Variants in RBFOX1 observed in about 807,000 individuals in gnomAD.
The protein encoded by RBFOX1 is RNA binding fox-1 homolog 1, also known as RNA binding protein fox-1 homolog 1.
Under a neutral mutation model 57.7 loss-of-function variants are expected in RBFOX1, and 8 were observed. That is an observed-to-expected ratio of 0.14 (90% confidence interval 0.08 to 0.25). The LOEUF (loss-of-function observed/expected upper bound fraction) is 0.25. RBFOX1 is among the 10% of genes least tolerant of loss of function. The pLI is 1.00. For synonymous variants in RBFOX1, 326 were observed against 222.4 expected, an observed-to-expected ratio of 1.47 and a Z score of -4.15; for missense variants, 611 against 548.5, an observed-to-expected ratio of 1.11 and a Z score of -1.14.
At chr16:5,596,761 C>G (rs2047196661) in intron 2 of RBFOX1, among the ~76,000 whole-genome samples, 1 of 152,244 alleles carries the variant, frequency 6.6e-6, no homozygotes, top group African/African-American at 2.4e-5. Context: ...AGTGGACATT[C>G]TCTCAAAGGA....
chr16:5,888,458 C>G (rs542294420), intron 4 of RBFOX1, among the ~76,000 whole-genome samples: 2 of 152,008 alleles, frequency 1.3e-5, no homozygotes, highest in Non-Finnish European at 2.9e-5. Flanking sequence ...CTGCTGTGTT[C>G]CAGCCTCCAA....
chr16:6,273,536 G>T (rs971499899), intron 1 of RBFOX1, among the ~76,000 whole-genome samples: 2 of 151,524 alleles, frequency 1.3e-5, no homozygotes, highest in African/African-American at 4.8e-5. Context: ...TAGTAGAGAT[G>T]GGCTTCTCCA....
rs2060211280 is a variant in RBFOX1, at chr16:5,983,314, G to GA, written c.351+115980dup. 2.0e-5 allele frequency among the ~76,000 whole-genome samples: 3 copies of GA among 152,344 alleles called. No homozygotes were observed. In the South Asian group the frequency reaches 6.2e-4, roughly 32 times the overall value. ...TCGTTTTAAAAGCTTAGTGGGTGGG[G>GA]AGGAGAAAATATTCCCTGACAGCTC... On this transcript the variant is annotated intron_variant, in intron 4 of 19. Coordinates refer to the RBFOX1 transcript ENST00000641259.
chr16:6,272,692 T>C (rs752043824), intron 1 of RBFOX1, among the ~76,000 whole-genome samples: 1 of 152,152 alleles, frequency 6.6e-6, no homozygotes, highest in Non-Finnish European at 1.5e-5. Flanking sequence ...AAACTTCTTA[T>C]ATAGCTACAG....
rs532101638 is a variant in RBFOX1, at chr16:6,900,230, A to T, written c.-15-151827A>T. On this transcript the variant is annotated intron_variant, in intron 3 of 15. Transcript: ENST00000550418. ...TCTGTGAATAATTCACTTGCTATTT[A>T]AGCACGTTCAAACATCCCATCATAA... Among the ~76,000 whole-genome samples, 12 of 152,248 alleles carry T rather than the reference A, an allele frequency of 7.9e-5. 1 individual carries two copies. In the South Asian group the frequency reaches 8.3e-4, roughly 11 times the overall value.
intron 2 of RBFOX1, among the ~76,000 whole-genome samples, chr16:5,536,398 C>A (rs1308303705): frequency 6.6e-6 from 1 of 151,874 alleles, no homozygotes; most frequent in Non-Finnish European, 1.5e-5. Flanking sequence ...CCATGCCCGG[C>A]TAATTTTTGC....
chr16:7,290,251 A>G lies in RBFOX1; in HGVS notation c.28-227896A>G, dbSNP rs577831383. Among the ~76,000 whole-genome samples, 9 of 152,336 alleles carry G rather than the reference A, an allele frequency of 5.9e-5. No homozygotes were observed. The South Asian group carries it at 1.2e-3, about 21-fold the overall frequency. On this transcript the variant is annotated intron_variant, in intron 4 of 15. Coordinates refer to ENST00000550418, the MANE Select transcript of RBFOX1 (RefSeq NM_018723.4). ...AATGAGGCTATTTTGATGAACACCA[A>G]TATTTGAAATTGGGAGTATGGATAG...
At chr16:6,699,497 A>C (rs1366571477) in intron 3 of RBFOX1, among the ~76,000 whole-genome samples, 1 of 152,196 alleles carries the variant, frequency 6.6e-6, no homozygotes, top group Non-Finnish European at 1.5e-5. Context: ...ATTTCAGCAC[A>C]TTATATAATG....
chr16:7,428,321 A>ATTT (rs2098642557), intron 4 of RBFOX1, among the ~76,000 whole-genome samples: 1 of 135,680 alleles, frequency 7.4e-6, no homozygotes, highest in Non-Finnish European at 1.6e-5. Context: ...GAGAATTAAT[A>ATTT]TCTTTTTTTT....
At chr16:7,574,704 A>G (rs1249971738) in intron 5 of RBFOX1, among the ~76,000 whole-genome samples, 2 of 152,074 alleles carry the variant, frequency 1.3e-5, no homozygotes. Context: ...CACTGACTTG[A>G]ATGTTTATCT....
At chr16:5,567,634 G>GAAA (rs2046119169) in intron 2 of RBFOX1, among the ~76,000 whole-genome samples, 2 of 10,434 alleles carry the variant, frequency 1.9e-4, no homozygotes, top group Admixed American at 1.5e-3. Flanking sequence ...CAGGTTATAG[G>GAAA]CAAAAAAAAA....
At chr16:7,409,511 T>A (rs959324716) in intron 4 of RBFOX1, among the ~76,000 whole-genome samples, 6 of 152,324 alleles carry the variant, frequency 3.9e-5, no homozygotes, top group African/African-American at 1.4e-4. Context: ...AGAAAGCTGT[T>A]GCCAGTTGTT....
chr16:7,484,522 G>T (rs1187185951), intron 4 of RBFOX1, among the ~76,000 whole-genome samples: 1 of 152,152 alleles, frequency 6.6e-6, no homozygotes, highest in Non-Finnish European at 1.5e-5. Flanking sequence ...TAGTGCACTG[G>T]CACGATCTCA....
At chr16:5,278,445 C>T (rs779585988) in intron 1 of RBFOX1, among the ~76,000 whole-genome samples, 5 of 152,120 alleles carry the variant, frequency 3.3e-5, no homozygotes, top group African/African-American at 4.8e-5. Context: ...CACTATGTAC[C>T]GGCTGGTATT....
intron 13 of RBFOX1, among the ~76,000 whole-genome samples, chr16:7,666,327 A>G (rs966483018): frequency 2.6e-5 from 4 of 152,148 alleles, no homozygotes; most frequent in Admixed American, 6.5e-5. Context: ...GACAAGGGAT[A>G]GAGAAATGGT....
chr16:7,086,222 T>C (rs1243868587), intron 4 of RBFOX1, among the ~76,000 whole-genome samples: 1 of 152,160 alleles, frequency 6.6e-6, no homozygotes, highest in African/African-American at 2.4e-5. Flanking sequence ...ATTGTTTAGG[T>C]TGACATTTTG....
At chr16:5,822,284 G>T (rs746009121) in intron 3 of RBFOX1, among the ~76,000 whole-genome samples, 12 of 152,144 alleles carry the variant, frequency 7.9e-5, no homozygotes, top group Non-Finnish European at 1.6e-4. Context: ...GACTTGGGGG[G>T]AATAGGGAGA....
chr16:6,849,735 C>T (rs2093965503), intron 3 of RBFOX1, among the ~76,000 whole-genome samples: 2 of 152,106 alleles, frequency 1.3e-5, no homozygotes, highest in African/African-American at 4.8e-5. Flanking sequence ...TCTACATCGC[C>T]TACATCCCAC....
chr16:7,160,497 A>G (rs2078084936), intron 4 of RBFOX1, among the ~76,000 whole-genome samples: 2 of 152,170 alleles, frequency 1.3e-5, no homozygotes, highest in African/African-American at 2.4e-5. Flanking sequence ...TTTTATACAT[A>G]TAGATAAAAA....
Sources: allele counts gnomAD v4.1 joint callset (sites outside exome capture counted in the v4.1 genomes callset), GRCh38; gene constraint gnomAD v4.1.1; transcripts MANE v1.5; gene names NCBI Gene and HGNC (gene_info 2026-07-23, HGNC 2026-07-21).